Variants in OMA1 observed in about 807,000 individuals in gnomAD.
OMA1 encodes OMA1 zinc metallopeptidase, also known as metalloendopeptidase OMA1, mitochondrial.
A neutral mutation model predicts 30.9 loss-of-function variants in OMA1; 38 were observed. The ratio of observed to expected loss-of-function variants is 1.23; its 90% CI spans 0.95 to 1.61. The LOEUF (loss-of-function observed/expected upper bound fraction) is 1.61, where lower values mean the gene tolerates loss of function less well. OMA1 is among the 40% of genes most tolerant of loss of function. The pLI, the probability that OMA1 is intolerant of heterozygous loss-of-function variation, is 0.00. For synonymous variants in OMA1, 173 were observed against 121.9 expected (o/e 1.42, Z -2.76); for missense variants, 461 against 349.2 (o/e 1.32, Z -2.55).
intron 8 of OMA1, among the ~76,000 whole-genome samples, chr1:58,492,226 G>GACACA (rs1174617407): frequency 6.6e-6 from 1 of 152,036 alleles, no homozygotes; most frequent in Non-Finnish European, 1.5e-5. Context: ...CGAGAACAAA[G>GACACA]ACACAACATA....
At position 58,534,139 on chromosome 1, in the gene OMA1, T is replaced by A. The variant is rs1226193055; in HGVS notation, c.903+19A>T. ...CAATAAATTTAACAATTACAATGCG[T>A]TTGAGAACATTTACTTACTGGAAGC... On this transcript the variant is annotated intron_variant, in intron 4 of 8. Coordinates refer to ENST00000371226, the MANE Select transcript of OMA1 (RefSeq NM_145243.5). The A allele has an allele frequency of 1.2e-6, 1 of 868,656 alleles. No homozygotes were observed. Among genetic ancestry groups the A allele is most frequent in the Non-Finnish European group, 2.0e-6 (1 of 500,854 alleles). The allele number at this position is 868,656 out of a possible 1,614,324, so 53.8% of individuals were successfully genotyped here.
chr1:58,489,088 A>G (rs1407257289), intron 8 of OMA1, among the ~76,000 whole-genome samples: 1 of 152,192 alleles, frequency 6.6e-6, no homozygotes, highest in Non-Finnish European at 1.5e-5. Flanking sequence ...ATTGTTGGCC[A>G]GTGGGTGCAG....
chr1:58,493,260 C>T (rs1266150998), intron 8 of OMA1, among the ~76,000 whole-genome samples: 11 of 152,178 alleles, frequency 7.2e-5, no homozygotes, highest in Admixed American at 2.0e-4. Context: ...ATTGATGGGA[C>T]GTATCTCAAA....
intron 8 of OMA1, among the ~76,000 whole-genome samples, chr1:58,497,181 T>C (rs1290125870): frequency 6.6e-6 from 1 of 152,186 alleles, no homozygotes; most frequent in East Asian, 1.9e-4. Flanking sequence ...ATCTACAATG[T>C]GGGATTATAT....
At chr1:58,535,650 C>CTGGACATGAA (rs1481352640) in intron 3 of OMA1, among the ~76,000 whole-genome samples, 4 of 149,564 alleles carry the variant, frequency 2.7e-5, no homozygotes, top group Admixed American at 1.3e-4. Flanking sequence ...AGTGAGGCTA[C>CTGGACATGAA]TGGACATGAA....
chr1:58,524,243 TC>T (rs1444122042), intron 7 of OMA1, among the ~76,000 whole-genome samples: 2 of 152,228 alleles, frequency 1.3e-5, no homozygotes, highest in African/African-American at 4.8e-5. Flanking sequence ...AAAAACCTGT[TC>T]CGGCAGCTAT....
At chr1:58,481,559 T>C (rs903864587) in intron 8 of OMA1, among the ~76,000 whole-genome samples, 4 of 152,108 alleles carry the variant, frequency 2.6e-5, no homozygotes, top group African/African-American at 7.2e-5. Context: ...CTGCAGAACA[T>C]AGATGACTGA....
At chr1:58,533,098 G>C (rs747758503) in intron 5 of OMA1, among the ~76,000 whole-genome samples, 5 of 152,166 alleles carry the variant, frequency 3.3e-5, no homozygotes, top group Non-Finnish European at 1.5e-5. Context: ...AGACAAAAGA[G>C]CCATTTATAT....
chr1:58,519,900 G>A (rs1646234685), intron 7 of OMA1, among the ~76,000 whole-genome samples: 1 of 152,226 alleles, frequency 6.6e-6, no homozygotes, highest in Non-Finnish European at 1.5e-5. Context: ...ACTCAAATAC[G>A]AATTTAATGT....
chr1:58,499,308 T>G (rs1316501719), intron 8 of OMA1, among the ~76,000 whole-genome samples: 18 of 104,704 alleles, frequency 1.7e-4, no homozygotes, highest in African/African-American at 6.7e-4. Context: ...CAAGACCACA[T>G]CTCTACAAAA....
At chr1:58,522,375 A>AT (rs1440695591) in intron 7 of OMA1, among the ~76,000 whole-genome samples, 1 of 152,206 alleles carries the variant, frequency 6.6e-6, no homozygotes, top group Non-Finnish European at 1.5e-5. Flanking sequence ...TATATACATA[A>AT]TTTTTTTAAA....
At chr1:58,486,228 C>T (rs1645573712) in intron 8 of OMA1, among the ~76,000 whole-genome samples, 1 of 152,162 alleles carries the variant, frequency 6.6e-6, no homozygotes, top group South Asian at 2.1e-4. Flanking sequence ...CAGAAATGCA[C>T]AAGTATGTAC....
intron 8 of OMA1, among the ~76,000 whole-genome samples, chr1:58,495,315 T>C (rs908507563): frequency 2.0e-5 from 3 of 152,100 alleles, no homozygotes; most frequent in African/African-American, 7.2e-5. Context: ...ATATACCTAA[T>C]GTTAAATGAC....
At chr1:58,504,786 T>A (rs930166769) in intron 8 of OMA1, among the ~76,000 whole-genome samples, 1 of 152,230 alleles carries the variant, frequency 6.6e-6, no homozygotes, top group Non-Finnish European at 1.5e-5. Context: ...ATTTTTCTTA[T>A]GATAAATCAT....
intron 8 of OMA1, among the ~76,000 whole-genome samples, chr1:58,489,692 C>T (rs950332571): frequency 3.3e-4 from 50 of 152,296 alleles, no homozygotes; most frequent in African/African-American, 1.1e-3. Flanking sequence ...AGGCACCCCC[C>T]AGTAGGGGCA....
At chr1:58,544,655 T>C (rs1302565728) in intron 1 of OMA1, among the ~76,000 whole-genome samples, 2 of 152,154 alleles carry the variant, frequency 1.3e-5, no homozygotes, top group African/African-American at 4.8e-5. Context: ...AGTGCAGTGG[T>C]GCCACCTCGG....
Position 58,539,190 on chromosome 1 carries a change from T to G in OMA1, c.105A>C (p.Ser35=), listed in dbSNP as rs745840562. 6.9e-6 allele frequency: 6 copies of G among 872,824 alleles called. No homozygotes were observed. The highest frequency in any genetic ancestry group is 1.0e-5 in the Non-Finnish European group (5 of 501,672). 54.1% of individuals were successfully genotyped at this position (872,824 alleles called of 1,614,324 possible). Reference sequence around the variant, plus strand: ...TAACTTGTACTTGATGACAGCCCCGTGAGGTGGATGCTAATGTGTTACATT... The same window carrying G: ...TAACTTGTACTTGATGACAGCCCCGGGAGGTGGATGCTAATGTGTTACATT... The part of the protein sequence containing the change: ...WRKCNTLAST[S]RGCHQVQVNH... The change falls in exon 2 of 9, where the codon TCA becomes TCC. Residue 35 remains serine, a synonymous_variant. Transcript: ENST00000371226.
intron 7 of OMA1, among the ~76,000 whole-genome samples, chr1:58,525,710 T>G (rs538750094): frequency 6.6e-6 from 1 of 152,248 alleles, no homozygotes. Flanking sequence ...ATGTATAATT[T>G]AATAAGCTAT....
At chr1:58,510,274 C>T (rs1364345409) in intron 7 of OMA1, among the ~76,000 whole-genome samples, 1 of 152,042 alleles carries the variant, frequency 6.6e-6, no homozygotes, top group Non-Finnish European at 1.5e-5. Context: ...TTAAAAGGAT[C>T]ACACCTCATG....
Sources: allele counts gnomAD v4.1 joint callset (sites outside exome capture counted in the v4.1 genomes callset), GRCh38; gene constraint gnomAD v4.1.1; transcripts MANE v1.5; gene names NCBI Gene and HGNC (gene_info 2026-07-23, HGNC 2026-07-21).